ANO6: variants seen among roughly 807,000 people sequenced by gnomAD.
The protein encoded by ANO6 is anoctamin 6.
Under a neutral mutation model 117.5 loss-of-function variants are expected in ANO6, and 106 were observed. That is an observed-to-expected ratio of 0.90 (90% CI 0.77 to 1.06). ANO6 has a LOEUF of 1.06. Ranked by LOEUF, ANO6 falls within the 50% of genes least tolerant of loss-of-function variation. The pLI is 0.00. For synonymous variants in ANO6, 367 were observed against 385.1 expected (o/e 0.95, Z 0.55); for missense variants, 955 against 1,121.1 (o/e 0.85, Z 2.12).
intron 8 of ANO6, among the ~76,000 whole-genome samples, chr12:45,358,402 A>G (rs915556950): frequency 2.0e-5 from 3 of 152,206 alleles, no homozygotes; most frequent in Admixed American, 2.0e-4. Flanking sequence ...GTTTTGGGCC[A>G]AAGGCTGAAT....
chr12:45,423,820 A>C (rs550363069), intron 19 of ANO6, among the ~76,000 whole-genome samples: 1 of 152,322 alleles, frequency 6.6e-6, no homozygotes, highest in African/African-American at 2.4e-5. Flanking sequence ...AACCACATCC[A>C]GTCCTTTTTG....
downstream of ANO6, among the ~76,000 whole-genome samples, chr12:45,432,730 T>C (rs554733176): frequency 3.3e-5 from 5 of 152,346 alleles, no homozygotes; most frequent in South Asian, 8.3e-4. Flanking sequence ...ACTCGTTATA[T>C]GACCAATAGT....
In ANO6 at chr12:45,423,048, A is replaced by G. The variant is rs1228980271; in HGVS notation, c.2512A>G (p.Ile838Val). ...WHVIAAKLAF[I>V]IVMEHVIYSV... ...TGTGATTGCAGCCAAGCTGGCTTTT[A>G]TCATTGTCATGGAGGTAGGAAAAGT... Residue 838 changes from isoleucine to valine, a missense_variant, in exon 19 of 20, where the codon ATC (isoleucine) becomes GTC (valine). Coordinates refer to ENST00000320560, the MANE Select transcript of ANO6 (RefSeq NM_001025356.3). 2 of 1,612,176 alleles carry G rather than the reference A, an allele frequency of 1.2e-6. No homozygotes were observed. Among genetic ancestry groups the G allele is most frequent in the Non-Finnish European group, 1.7e-6 (2 of 1,178,192 alleles).
intron 2 of ANO6, among the ~76,000 whole-genome samples, chr12:45,320,641 G>T (rs1940229867): frequency 6.6e-6 from 1 of 152,126 alleles, no homozygotes; most frequent in Non-Finnish European, 1.5e-5. Context: ...AGGTCCACTT[G>T]GTGCAGAGCT....
At chr12:45,422,266 GGAGA>G (rs751453823) in intron 18 of ANO6, among the ~76,000 whole-genome samples, 1 of 152,098 alleles carries the variant, frequency 6.6e-6, no homozygotes, top group Non-Finnish European at 1.5e-5. Flanking sequence ...CTCTGTATGA[GGAGA>G]GAGAGTCCCA....
chr12:45,327,533 C>T (rs1455384219), intron 2 of ANO6, among the ~76,000 whole-genome samples: 1 of 152,146 alleles, frequency 6.6e-6, no homozygotes, highest in African/African-American at 2.4e-5. Context: ...CTGTGCTCAT[C>T]AGTGGAGGAA....
At chr12:45,292,299 AG>A (rs1447384247) in intron 1 of ANO6, among the ~76,000 whole-genome samples, 5 of 152,192 alleles carry the variant, frequency 3.3e-5, no homozygotes, top group Admixed American at 2.6e-4. Context: ...AGAGATAACT[AG>A]GGACTGGGGA....
chr12:45,399,491 G>A (rs1942727007), intron 12 of ANO6, among the ~76,000 whole-genome samples: 1 of 152,130 alleles, frequency 6.6e-6, no homozygotes, highest in South Asian at 2.1e-4. Flanking sequence ...ACCGCGCCTG[G>A]CCGAGGTCTT....
chr12:45,371,600 C>G (rs1247851365), intron 9 of ANO6, among the ~76,000 whole-genome samples: 7 of 152,112 alleles, frequency 4.6e-5, no homozygotes, highest in South Asian at 2.1e-4. Flanking sequence ...AGCAGGGGCA[C>G]ACTGACACCT....
intron 17 of ANO6, 28 bp from the exon 18 acceptor site, chr12:45,421,043 T>C: frequency 6.2e-7 from 1 of 1,610,266 alleles, no homozygotes; most frequent in Non-Finnish European, 8.5e-7. Context: ...TATAACTTCA[T>C]TTTCGCTTTG....
chr12:45,369,913 C>T, intron 9 of ANO6, among the ~76,000 whole-genome samples: 1 of 152,200 alleles, frequency 6.6e-6, no homozygotes, highest in East Asian at 1.9e-4. Flanking sequence ...ATATTCTGCT[C>T]ATAAAAACAT....
At chr12:45,287,858 AT>A (rs1938966705) in intron 1 of ANO6, among the ~76,000 whole-genome samples, 1 of 152,226 alleles carries the variant, frequency 6.6e-6, no homozygotes. Context: ...ATCACCTGAC[AT>A]CCCACTACTC....
chr12:45,295,695 G>A (rs193065345), intron 1 of ANO6, among the ~76,000 whole-genome samples: 4 of 152,034 alleles, frequency 2.6e-5, no homozygotes, highest in Admixed American at 6.6e-5. Flanking sequence ...AGAGTAGCTA[G>A]CGTTACAGGC....
At chr12:45,295,955 G>C (rs956028713) in intron 1 of ANO6, among the ~76,000 whole-genome samples, 1 of 152,048 alleles carries the variant, frequency 6.6e-6, no homozygotes, top group African/African-American at 2.4e-5. Context: ...TCAGCCTCCT[G>C]GTTCAAGTGA....
At chr12:45,395,110 G>GA (rs1216476581) in intron 12 of ANO6, among the ~76,000 whole-genome samples, 5 of 152,010 alleles carry the variant, frequency 3.3e-5, no homozygotes, top group Admixed American at 3.3e-4. Flanking sequence ...TAATAAAGAA[G>GA]AAAAGAGAGA....
chr12:45,284,167 T>C (rs1035223437), intron 1 of ANO6, among the ~76,000 whole-genome samples: 2 of 152,212 alleles, frequency 1.3e-5, no homozygotes, highest in African/African-American at 4.8e-5. Context: ...GGGTCTGATC[T>C]AATGCGAATA....
chr12:45,268,841 A>C lies in ANO6; in HGVS notation c.71-33173A>C, dbSNP rs897041245. Among the ~76,000 whole-genome samples the C allele has an allele frequency of 2.0e-5, 3 of 152,332 alleles. No homozygotes were observed. In the East Asian group the frequency reaches 5.8e-4, roughly 29 times the overall value. ...TCTGGATCATTAACGGGCATAGACT[A>C]TTTTTAGCTAAGGAAAACAATTTTT... is the stretch of plus-strand genomic sequence containing the variant. On this transcript the variant is annotated intron_variant, in intron 1 of 19. Coordinates refer to ENST00000320560, the MANE Select transcript of ANO6 (RefSeq NM_001025356.3).
At position 45,416,789 on chromosome 12, in the gene ANO6, T is replaced by C; in HGVS notation, c.2102T>C (p.Val701Ala). 6.2e-7 allele frequency: 1 copy of C among 1,613,910 alleles called. No individual in the cohort carries two copies. The highest frequency in any genetic ancestry group is 8.5e-7 in the Non-Finnish European group (1 of 1,179,976). The change falls in exon 17 of 20, where the codon GTG (valine) becomes GCG (alanine). Residue 701 changes from valine to alanine, a missense_variant. By Grantham distance (64) the Val-to-Ala change is moderately conservative. Coordinates refer to ENST00000320560, the MANE Select transcript of ANO6 (RefSeq NM_001025356.3). The stretch of plus-strand genomic sequence containing the variant: ...GTGAACAATATATTGGAAATAAGAG[T>C]GGACGCATGGAAACTGACCACCCAG... ...ALVNNILEIRVDAWKLTTQFR... is the reference protein window; with the variant it reads ...ALVNNILEIRADAWKLTTQFR...
intron 1 of ANO6, chr12:45,256,692 T>C (rs1937841735): frequency 6.6e-6 from 1 of 152,256 alleles, no homozygotes; most frequent in Admixed American, 6.5e-5. Context: ...AATTCCTTGA[T>C]TAACTGAACC....
Sources: allele counts gnomAD v4.1 joint callset (sites outside exome capture counted in the v4.1 genomes callset), GRCh38; gene constraint gnomAD v4.1.1; transcripts MANE v1.5; gene names NCBI Gene and HGNC (gene_info 2026-07-23, HGNC 2026-07-21).